TSPAN2: variants seen among roughly 807,000 people sequenced by gnomAD.
TSPAN2 encodes tetraspanin-2.
TSPAN2 carries 24 observed loss-of-function variants against 33.3 expected under a neutral mutation model. The observed-to-expected ratio is 0.72, with a 90% CI of 0.52 to 1.01. The LOEUF (loss-of-function observed/expected upper bound fraction) is 1.01, where lower values mean the gene tolerates loss of function less well. TSPAN2 is among the 50% of genes least tolerant of loss of function. The probability of loss-of-function intolerance (pLI) is 0.00; values close to 1 mark genes in which losing one functional copy is unlikely to be tolerated. For synonymous variants in TSPAN2, 114 were observed against 104.5 expected (o/e 1.09, Z -0.56); for missense variants, 278 against 281.3 (o/e 0.99, Z 0.08).
chr1:115,057,431 G>T, intron 6 of TSPAN2, 106 bp downstream of exon 6: 2 of 1,108,518 alleles, frequency 1.8e-6, no homozygotes, highest in Non-Finnish European at 2.8e-6. Context: ...TGCCACTAGA[G>T]CAAATTCAGT....
At position 115,086,375 on chromosome 1, in the gene TSPAN2, C is replaced by T. The variant is rs115275857; in HGVS notation, c.69+2989G>A. Among the ~76,000 whole-genome samples, 1,224 of 152,302 alleles carry T rather than the reference C, an allele frequency of 8.0e-3. 16 individuals are homozygous for T. The highest frequency in any genetic ancestry group is 0.028 in the African/African-American group (1,152 of 41,558). ...GATGGCTTCGACAGTCAGATGGTGGCGCACACTCCCCCTTGCTCTGCTCCT... is the reference window on the plus strand; with the variant it reads ...GATGGCTTCGACAGTCAGATGGTGGTGCACACTCCCCCTTGCTCTGCTCCT... On this transcript the variant is annotated intron_variant, in intron 1 of 7. Coordinates refer to ENST00000369516, the MANE Select transcript of TSPAN2 (RefSeq NM_005725.6).
chr1:115,063,717 A>C (rs1647818771), intron 2 of TSPAN2, among the ~76,000 whole-genome samples: 1 of 152,254 alleles, frequency 6.6e-6, no homozygotes, highest in South Asian at 2.1e-4. Context: ...ATGGAATACT[A>C]TGCAGCCATA....
At chr1:115,062,355 C>A in intron 2 of TSPAN2, 123 bp from the exon 3 acceptor site, 1 of 705,948 alleles carries the variant, frequency 1.4e-6, no homozygotes, top group Non-Finnish European at 2.4e-6. Flanking sequence ...GCTATTCTTA[C>A]TGCCATGTTT....
intron 1 of TSPAN2, among the ~76,000 whole-genome samples, chr1:115,081,551 A>C (rs1648624187): frequency 6.6e-6 from 1 of 152,200 alleles, no homozygotes; most frequent in African/African-American, 2.4e-5. Flanking sequence ...GTAGTGGATA[A>C]AAATGGGGGT....
intron 1 of TSPAN2, among the ~76,000 whole-genome samples, chr1:115,074,267 G>A (rs1648310135): frequency 6.6e-6 from 1 of 152,156 alleles, no homozygotes; most frequent in East Asian, 1.9e-4. Flanking sequence ...GTCTTGCCAG[G>A]CAGCTTATAA....
At chr1:115,062,352 T>A in intron 2 of TSPAN2, 120 bp from the exon 3 acceptor site, 1 of 711,914 alleles carries the variant, frequency 1.4e-6, no homozygotes, top group East Asian at 3.0e-5. Flanking sequence ...GGTGCTATTC[T>A]TACTGCCATG....
intron 1 of TSPAN2, among the ~76,000 whole-genome samples, chr1:115,089,002 G>A (rs1019899371): frequency 4.0e-5 from 3 of 74,916 alleles, no homozygotes; most frequent in African/African-American, 1.8e-4. Context: ...GTGTGTGCAC[G>A]GGAGACTGGA....
intron 4 of TSPAN2, among the ~76,000 whole-genome samples, chr1:115,060,176 A>G (rs1197847951): frequency 6.6e-6 from 1 of 152,136 alleles, no homozygotes; most frequent in Non-Finnish European, 1.5e-5. Context: ...CCCATTTCAC[A>G]ATGGGGAAGA....
chr1:115,053,117 T>C (rs575297893), intron 7 of TSPAN2, among the ~76,000 whole-genome samples: 5 of 152,348 alleles, frequency 3.3e-5, no homozygotes, highest in African/African-American at 9.6e-5. Context: ...TTATGGATAG[T>C]AGCCTTAAAA....
intron 1 of TSPAN2, among the ~76,000 whole-genome samples, chr1:115,084,032 C>A (rs1010591676): frequency 2.0e-5 from 3 of 152,176 alleles, no homozygotes; most frequent in Admixed American, 2.0e-4. Context: ...CCTTTTGACT[C>A]CATGCCCTTG....
At chr1:115,057,720 A>G in intron 5 of TSPAN2, 112 bp from the exon 6 acceptor site, 1 of 876,848 alleles carries the variant, frequency 1.1e-6, no homozygotes, top group Non-Finnish European at 1.9e-6. Flanking sequence ...TCCGAGGCCC[A>G]GTCACTGCAA....
chr1:115,067,643 T>C (rs1557880334), intron 2 of TSPAN2, among the ~76,000 whole-genome samples: 1 of 152,140 alleles, frequency 6.6e-6, no homozygotes, highest in Non-Finnish European at 1.5e-5. Context: ...TCCTTATACA[T>C]AACATCCAGC....
At chr1:115,082,444 C>T (rs1295826405) in intron 1 of TSPAN2, among the ~76,000 whole-genome samples, 3 of 152,174 alleles carry the variant, frequency 2.0e-5, no homozygotes, top group Non-Finnish European at 2.9e-5. Context: ...ATGATAACTG[C>T]TACTATTTCA....
intron 2 of TSPAN2, among the ~76,000 whole-genome samples, chr1:115,066,990 G>A (rs907729082): frequency 2.6e-5 from 4 of 152,198 alleles, no homozygotes; most frequent in Non-Finnish European, 5.9e-5. Context: ...TGCTCGATCT[G>A]TAATAACAAT....
intron 1 of TSPAN2, among the ~76,000 whole-genome samples, chr1:115,076,928 T>C (rs1570981780): frequency 7.1e-6 from 1 of 140,922 alleles, no homozygotes; most frequent in Non-Finnish European, 1.6e-5. Flanking sequence ...CCTCCCTCCC[T>C]TTTTTTTTTT....
chr1:115,057,027 C>G (rs576782897), intron 6 of TSPAN2, among the ~76,000 whole-genome samples: 1 of 152,174 alleles, frequency 6.6e-6, no homozygotes, highest in Non-Finnish European at 1.5e-5. Context: ...TGGATCAAAT[C>G]CGTATTTATA....
chr1:115,057,996 T>C (rs1037883349), intron 5 of TSPAN2, among the ~76,000 whole-genome samples: 2 of 152,186 alleles, frequency 1.3e-5, no homozygotes, highest in African/African-American at 4.8e-5. Context: ...ACTCATTAGC[T>C]GGGAATAGTC....
Position 115,089,473 on chromosome 1 carries a change from G to C in TSPAN2, c.-41C>G, listed in dbSNP as rs768391192. On this transcript the variant is annotated 5_prime_UTR_variant, in exon 1 of 8. Transcript: ENST00000369516. ...CGGGATCCCCAGTCCCCAGGCCCGC[G>C]CTACGAGCGCGGGGAGCGGCAGGCT... 2.4e-5 allele frequency: 33 copies of C among 1,403,866 alleles called. No homozygotes were observed. The South Asian group carries it at 5.2e-4, about 22-fold the overall frequency. The allele number at this position is 1,403,866 out of a possible 1,614,324, so 87.0% of individuals were successfully genotyped here. A position where few individuals can be genotyped will look rare whatever the true frequency, so the allele number is the denominator to read the frequency against.
chr1:115,073,564 T>G (rs1648278188), intron 1 of TSPAN2, among the ~76,000 whole-genome samples: 2 of 151,886 alleles, frequency 1.3e-5, no homozygotes, highest in Non-Finnish European at 1.5e-5. Flanking sequence ...GAAAGCGGTT[T>G]TAGGGGCATT....
Sources: allele counts gnomAD v4.1 joint callset (sites outside exome capture counted in the v4.1 genomes callset), GRCh38; gene constraint gnomAD v4.1.1; transcripts MANE v1.5; gene names NCBI Gene and HGNC (gene_info 2026-07-23, HGNC 2026-07-21).